PICALM: variants seen among roughly 807,000 people sequenced by gnomAD.
PICALM encodes the protein phosphatidylinositol binding clathrin assembly protein, also known as phosphatidylinositol-binding clathrin assembly protein.
In PICALM, 40 loss-of-function variants were observed where a neutral mutation model predicts 80.5. The observed-to-expected ratio is 0.50, with a 90% CI of 0.39 to 0.65. The LOEUF is 0.65. PICALM is among the 30% of genes least tolerant of loss of function. The probability of loss-of-function intolerance (pLI) is 0.00; values close to 1 mark genes in which losing one functional copy is unlikely to be tolerated. For missense variants in PICALM, 676 were observed against 778.9 expected, an observed-to-expected ratio of 0.87 and a Z score of 1.57; for synonymous variants, 288 against 260.3, an observed-to-expected ratio of 1.11 and a Z score of -1.02.
chr11:85,981,325 G>A (rs537671118), intron 16 of PICALM, 97 bp from the exon 17 acceptor site: 4 of 733,714 alleles, frequency 5.5e-6, no homozygotes, highest in South Asian at 1.8e-5. Flanking sequence ...GAGACTTGAG[G>A]CTGGGCGTGG....
At chr11:86,036,820 G>A (rs1258596512) in intron 1 of PICALM, among the ~76,000 whole-genome samples, 2 of 151,884 alleles carry the variant, frequency 1.3e-5, no homozygotes, top group East Asian at 3.8e-4. Context: ...GTATGTGTGA[G>A]GCTAGGCATT....
intron 17 of PICALM, among the ~76,000 whole-genome samples, chr11:85,980,647 T>C (rs189828545): frequency 6.6e-6 from 1 of 152,246 alleles, no homozygotes; most frequent in East Asian, 1.9e-4. Flanking sequence ...TTACCAATAA[T>C]GAAATCACAA....
intron 14 of PICALM, chr11:85,982,287 A>C: frequency 3.7e-6 from 1 of 267,836 alleles, no homozygotes; most frequent in African/African-American, 2.2e-5. Flanking sequence ...AGAGAAAAAA[A>C]ACAAATGTAA....
At chr11:85,960,597 G>A (rs1159749142) in intron 19 of PICALM, 11 of 571,972 alleles carry the variant, frequency 1.9e-5, no homozygotes, top group African/African-American at 3.9e-5. Flanking sequence ...AAATGAAAGA[G>A]AAGCGTGAAT....
At chr11:85,993,906 G>C (rs954484877) in intron 12 of PICALM, among the ~76,000 whole-genome samples, 1 of 151,846 alleles carries the variant, frequency 6.6e-6, no homozygotes, top group African/African-American at 2.4e-5. Context: ...ACATGGTAGA[G>C]ACAAGGTATT....
intron 1 of PICALM, among the ~76,000 whole-genome samples, chr11:86,032,349 C>T (rs1159324072): frequency 1.3e-5 from 2 of 152,146 alleles, no homozygotes; most frequent in East Asian, 1.9e-4. Flanking sequence ...AGGTTGGGTG[C>T]GGTGGCTCAC....
chr11:85,970,810 C>CA (rs892134009), intron 19 of PICALM, among the ~76,000 whole-genome samples: 1 of 152,026 alleles, frequency 6.6e-6, no homozygotes, highest in Non-Finnish European at 1.5e-5. Flanking sequence ...TACCCACACA[C>CA]AAAAAAGATT....
At chr11:86,057,787 A>T (rs1461488122) in intron 1 of PICALM, among the ~76,000 whole-genome samples, 2 of 152,214 alleles carry the variant, frequency 1.3e-5, no homozygotes, top group African/African-American at 4.8e-5. Context: ...TAGGCATTTT[A>T]AGTAACCTAG....
In PICALM at chr11:86,031,000, C is replaced by A. The variant is rs185504141; in HGVS notation, c.273+469G>T. 2.0e-3 allele frequency among the ~76,000 whole-genome samples: 302 copies of A among 152,250 alleles called. 2 individuals carry two copies. Among genetic ancestry groups the A allele is most frequent in the Admixed American group, 5.8e-3 (89 of 15,292 alleles). On this transcript the variant is annotated intron_variant, in intron 2 of 19. Transcript: ENST00000393346. ...AGGCATGGTAGCACACACTTGTAAT[C>A]CCAGCTACATGGGAGGCTGAGGTGG... is the stretch of plus-strand genomic sequence containing the variant.
At chr11:86,011,461 C>T (rs2095392862) in intron 6 of PICALM, among the ~76,000 whole-genome samples, 1 of 152,188 alleles carries the variant, frequency 6.6e-6, no homozygotes, top group South Asian at 2.1e-4. Context: ...CATCTATTTC[C>T]AATCTTACTA....
At chr11:85,959,633 C>CA (rs1161064257) in intron 19 of PICALM, among the ~76,000 whole-genome samples, 1,407 of 45,010 alleles carry the variant, frequency 0.031, 206 homozygotes, top group African/African-American at 0.11. Context: ...AACTCCATCT[C>CA]AAAAAAAAAA....
intron 19 of PICALM, 167 bp downstream of exon 19, chr11:85,974,541 T>A (rs2094212553): frequency 1.4e-6 from 1 of 717,616 alleles, no homozygotes; most frequent in Non-Finnish European, 2.6e-6. Flanking sequence ...CTCCAAATAA[T>A]CAATATTCCT....
intron 3 of PICALM, 71 bp downstream of exon 3, chr11:86,026,221 G>A: frequency 2.4e-6 from 2 of 827,142 alleles, no homozygotes; most frequent in South Asian, 2.9e-5. Flanking sequence ...AAAAGACAGA[G>A]TTCTACTCTG....
intron 1 of PICALM, among the ~76,000 whole-genome samples, chr11:86,048,533 T>C (rs2096117365): frequency 6.6e-6 from 1 of 151,946 alleles, no homozygotes; most frequent in Admixed American, 6.6e-5. Context: ...CTAAAGCTAA[T>C]GTTAATAAAA....
chr11:85,992,804 A>G (rs536755916), intron 12 of PICALM, among the ~76,000 whole-genome samples: 1 of 152,342 alleles, frequency 6.6e-6, no homozygotes, highest in South Asian at 2.1e-4. Context: ...CTACTGACAG[A>G]TAGGTTTTAT....
chr11:85,975,241 G>A (rs1044669244), intron 18 of PICALM, among the ~76,000 whole-genome samples: 1 of 152,164 alleles, frequency 6.6e-6, no homozygotes, highest in African/African-American at 2.4e-5. Flanking sequence ...GTGATCACAA[G>A]TGAAGACAGT....
At chr11:85,995,358 T>C (rs961994618) in intron 12 of PICALM, among the ~76,000 whole-genome samples, 2 of 152,336 alleles carry the variant, frequency 1.3e-5, no homozygotes, top group African/African-American at 4.8e-5. Context: ...GTCTGTCACA[T>C]AGAGACTTTG....
At chr11:86,039,800 G>A (rs1030321086) in intron 1 of PICALM, among the ~76,000 whole-genome samples, 2 of 151,872 alleles carry the variant, frequency 1.3e-5, no homozygotes, top group African/African-American at 4.8e-5. Flanking sequence ...TCAGGAGAGC[G>A]AGACCATCCT....
intron 12 of PICALM, among the ~76,000 whole-genome samples, chr11:85,991,117 G>C (rs1024092117): frequency 6.6e-6 from 1 of 152,020 alleles, no homozygotes; most frequent in African/African-American, 2.4e-5. Context: ...AGTTATTCTA[G>C]AGTCAGATAA....
Sources: allele counts gnomAD v4.1 joint callset (sites outside exome capture counted in the v4.1 genomes callset), GRCh38; gene constraint gnomAD v4.1.1; transcripts MANE v1.5; gene names NCBI Gene and HGNC (gene_info 2026-07-23, HGNC 2026-07-21).